Variants in BCAR3 observed in about 807,000 individuals in gnomAD.
The protein encoded by BCAR3 is breast cancer anti-estrogen resistance protein 3.
A neutral mutation model predicts 80.1 loss-of-function variants in BCAR3; 37 were observed. The observed-to-expected ratio is 0.46, with a 90% confidence interval of 0.36 to 0.61. BCAR3 has a LOEUF of 0.61. BCAR3 is among the 20% of genes least tolerant of loss of function. The pLI, the probability that BCAR3 is intolerant of heterozygous loss-of-function variation, is 0.00. For synonymous variants in BCAR3, 389 were observed against 418.9 expected (o/e 0.93, Z 0.87); for missense variants, 978 against 1,068.2 (o/e 0.92, Z 1.18).
At chr1:93,691,678 A>G (rs1346163264) in intron 3 of BCAR3, among the ~76,000 whole-genome samples, 1 of 152,144 alleles carries the variant, frequency 6.6e-6, no homozygotes, top group African/African-American at 2.4e-5. Flanking sequence ...GAGCCCAGGA[A>G]GGAATGTGCA....
In BCAR3 at chr1:93,703,562, C is replaced by G. The variant is rs189932016; in HGVS notation, c.-12+2530G>C. 6.5e-3 allele frequency among the ~76,000 whole-genome samples: 430 copies of G among 66,498 alleles called. 5 individuals are homozygous for G. The highest frequency in any genetic ancestry group is 5.7e-3 in the Non-Finnish European group (179 of 31,274). 43.6% of individuals were successfully genotyped at this position (66,498 alleles called of 152,430 possible). Reference sequence around the variant, plus strand: ...AGCCTGTGACAGAGCAAAACCCTGTCTCTTAAAAAGAAAAAAAAAAAAAAG... The same window carrying G: ...AGCCTGTGACAGAGCAAAACCCTGTGTCTTAAAAAGAAAAAAAAAAAAAAG... On this transcript the variant is annotated intron_variant, in intron 3 of 13. Coordinates refer to the BCAR3 transcript ENST00000370244.
intron 2 of BCAR3, among the ~76,000 whole-genome samples, chr1:93,839,612 T>C (rs143592647): frequency 1.3e-5 from 2 of 152,242 alleles, no homozygotes; most frequent in Non-Finnish European, 2.9e-5. Flanking sequence ...TAGATTGGAC[T>C]GAATCTACAT....
chr1:93,595,095 G>C (rs1674368847), intron 3 of BCAR3, among the ~76,000 whole-genome samples: 1 of 152,178 alleles, frequency 6.6e-6, no homozygotes, highest in African/African-American at 2.4e-5. Flanking sequence ...TCTCCCTGTA[G>C]ACTCCAGAGA....
In BCAR3 at chr1:93,582,318, G is replaced by C. The variant is rs745898120; in HGVS notation, c.1669C>G (p.Leu557Val). ...GCGCTTACCCTGCAGTCCATGCTCAGTACGTGCTGGGCGATGACCTTGGGG... is the reference window on the plus strand; with the variant it reads ...GCGCTTACCCTGCAGTCCATGCTCACTACGTGCTGGGCGATGACCTTGGGG... ...NDPKVIAQHVLSMDCRVARIL... is the reference protein window; with the variant it reads ...NDPKVIAQHVVSMDCRVARIL... The change falls in exon 7 of 12, where the codon CTG becomes GTG. Residue 557 changes from leucine to valine, a missense_variant. Coordinates refer to ENST00000260502, the MANE Select transcript of BCAR3 (RefSeq NM_003567.4). The C allele has an allele frequency of 1.2e-6, 2 of 1,614,098 alleles. No homozygotes were observed. The highest frequency in any genetic ancestry group is 2.2e-5 in the South Asian group (2 of 91,080).
chr1:93,731,416 A>T (rs572580150), intron 2 of BCAR3, among the ~76,000 whole-genome samples: 1 of 152,168 alleles, frequency 6.6e-6, no homozygotes, highest in East Asian at 1.9e-4. Context: ...TGTTTATCTA[A>T]AGCTAGTTTG....
chr1:93,830,329 C>T (rs868375951), intron 2 of BCAR3, among the ~76,000 whole-genome samples: 1 of 152,112 alleles, frequency 6.6e-6, no homozygotes, highest in African/African-American at 2.4e-5. Flanking sequence ...GGCGTGGTGG[C>T]ACACGTCTGT....
intron 4 of BCAR3, among the ~76,000 whole-genome samples, 194 bp from the exon 5 acceptor site, chr1:93,589,613 C>T (rs1284626683): frequency 2.0e-5 from 3 of 152,200 alleles, no homozygotes; most frequent in Non-Finnish European, 2.9e-5. Flanking sequence ...CACTGACCAC[C>T]TACTCGTGCC....
intron 2 of BCAR3, among the ~76,000 whole-genome samples, chr1:93,843,530 T>C (rs1234576605): frequency 6.6e-6 from 1 of 152,214 alleles, no homozygotes; most frequent in African/African-American, 2.4e-5. Flanking sequence ...AACCAAGATT[T>C]GAATGACAGG....
chr1:93,600,343 T>G (rs1368274479), intron 3 of BCAR3, among the ~76,000 whole-genome samples: 1 of 152,110 alleles, frequency 6.6e-6, no homozygotes, highest in Non-Finnish European at 1.5e-5. Flanking sequence ...GCCCAGATCA[T>G]GAGAGGGCTG....
intron 3 of BCAR3, among the ~76,000 whole-genome samples, chr1:93,701,919 G>A (rs1267220214): frequency 1.3e-5 from 2 of 152,186 alleles, no homozygotes; most frequent in Non-Finnish European, 2.9e-5. Flanking sequence ...GGACTGGGCT[G>A]TGCTCCAGGC....
intron 2 of BCAR3, among the ~76,000 whole-genome samples, chr1:93,729,566 C>T (rs1170109912): frequency 6.6e-6 from 1 of 152,202 alleles, no homozygotes; most frequent in Non-Finnish European, 1.5e-5. Context: ...AGTTGAACTG[C>T]AGTGCAGTTG....
intron 3 of BCAR3, among the ~76,000 whole-genome samples, chr1:93,612,857 C>G (rs2101880887): frequency 6.6e-6 from 1 of 152,282 alleles, no homozygotes; most frequent in South Asian, 2.1e-4. Context: ...AATGAACACT[C>G]CTACCAGGGA....
Position 93,674,935 on chromosome 1 carries a change from C to T in BCAR3, c.-5G>A. On this transcript the variant is annotated 5_prime_UTR_variant, in exon 2 of 12. Coordinates refer to ENST00000260502, the MANE Select transcript of BCAR3 (RefSeq NM_003567.4). Reference sequence around the variant, plus strand: ...TGCAAATTTTCCTGCAGCCATAATTCTCAACTCTAAGGGGGAAAGAAAAGA... The same window carrying T: ...TGCAAATTTTCCTGCAGCCATAATTTTCAACTCTAAGGGGGAAAGAAAAGA... 6.5e-7 allele frequency: 1 copy of T among 1,544,104 alleles called. No individual in the cohort carries two copies.
intron 1 of BCAR3, among the ~76,000 whole-genome samples, chr1:93,846,407 G>A (rs1464364947): frequency 6.6e-6 from 1 of 152,236 alleles, no homozygotes; most frequent in Non-Finnish European, 1.5e-5. Flanking sequence ...AATAGGAACG[G>A]GGGCCGGGCG....
intron 2 of BCAR3, among the ~76,000 whole-genome samples, chr1:93,657,674 T>C (rs1313042325): frequency 6.6e-6 from 1 of 151,738 alleles, no homozygotes; most frequent in East Asian, 1.9e-4. Flanking sequence ...ATTTTGAACA[T>C]TGAATTGATG....
intron 5 of BCAR3, chr1:93,584,934 CATTGTTAT>C: frequency 1.0e-6 from 1 of 961,514 alleles, no homozygotes; most frequent in Non-Finnish European, 1.2e-6. Flanking sequence ...AAGCATAAAA[CATTGTTAT>C]GTTACAGAAA....
chr1:93,671,366 C>T (rs1248361880), intron 2 of BCAR3, among the ~76,000 whole-genome samples: 1 of 152,110 alleles, frequency 6.6e-6, no homozygotes, highest in African/African-American at 2.4e-5. Context: ...CAACAGAGTA[C>T]TTCACAAGAC....
intron 2 of BCAR3, among the ~76,000 whole-genome samples, chr1:93,835,094 GCCTTAA>G (rs917183112): frequency 6.6e-6 from 1 of 152,118 alleles, no homozygotes; most frequent in African/African-American, 2.4e-5. Context: ...TGAATTCATT[GCCTTAA>G]CTTGGGCCCT....
intron 2 of BCAR3, among the ~76,000 whole-genome samples, chr1:93,751,619 T>C (rs1272653387): frequency 6.6e-6 from 1 of 152,202 alleles, no homozygotes; most frequent in African/African-American, 2.4e-5. Flanking sequence ...TCTTCTAAAC[T>C]GCAGGGAGAA....
Sources: allele counts gnomAD v4.1 joint callset (sites outside exome capture counted in the v4.1 genomes callset), GRCh38; gene constraint gnomAD v4.1.1; transcripts MANE v1.5; gene names NCBI Gene and HGNC (gene_info 2026-07-23, HGNC 2026-07-21).